The following SLC11A2 variants were observed in gnomAD, a reference collection of about 807,000 sequenced individuals.
The protein encoded by SLC11A2 is natural resistance-associated macrophage protein 2.
SLC11A2 carries 38 observed loss-of-function variants against 68.0 expected under a neutral mutation model. The ratio of observed to expected loss-of-function variants is 0.56; its 90% CI spans 0.43 to 0.73. The LOEUF is 0.73. Among genes scored for constraint, SLC11A2 ranks in the 30% least tolerant of loss-of-function variants. The pLI, the probability that SLC11A2 is intolerant of heterozygous loss-of-function variation, is 0.00. For missense variants in SLC11A2, 517 were observed against 690.5 expected (o/e 0.75, Z 2.82); for synonymous variants, 242 against 250.6 (o/e 0.97, Z 0.32).
At position 51,000,331 on chromosome 12, in the gene SLC11A2, T is replaced by C; in HGVS notation, c.518A>G (p.Asn173Ser). 3 of 1,612,712 alleles carry C rather than the reference T, an allele frequency of 1.9e-6. No individual in the cohort carries two copies. Among genetic ancestry groups the C allele is most frequent in the Non-Finnish European group, 1.7e-6 (2 of 1,178,714 alleles). Reference protein sequence around the residue: ...QEVIGSAIAINLLSVGRIPLW... With the variant: ...QEVIGSAIAISLLSVGRIPLW... Reference sequence around the variant, plus strand: ...CCCTCACCTTCCTACAGACAGAAGATTGATAGCAATGGCTGAGCCAATGAC... The same window carrying C: ...CCCTCACCTTCCTACAGACAGAAGACTGATAGCAATGGCTGAGCCAATGAC... Residue 173 changes from asparagine to serine, a missense_variant, in exon 6 of 16, where the codon AAT (asparagine) becomes AGT (serine). Coordinates refer to ENST00000262052, the MANE Select transcript of SLC11A2 (RefSeq NM_000617.3).
At position 51,026,322 on chromosome 12, in the gene SLC11A2, G is replaced by A. The variant is rs779664922; in HGVS notation, c.-51C>T. 18 of 1,271,340 alleles carry A rather than the reference G, an allele frequency of 1.4e-5. No individual in the cohort carries two copies. Among genetic ancestry groups the A allele is most frequent in the African/African-American group, 3.1e-5 (2 of 65,202 alleles). The allele number at this position is 1,271,340 out of a possible 1,614,324, so 78.8% of individuals were successfully genotyped here. A position where few individuals can be genotyped will look rare whatever the true frequency, so the allele number is the denominator to read the frequency against. On this transcript the variant is annotated 5_prime_UTR_variant, in exon 1 of 16. Coordinates refer to ENST00000262052, the MANE Select transcript of SLC11A2 (RefSeq NM_000617.3). The stretch of plus-strand genomic sequence containing the variant: ...GCCTTCCCCTCACCTTACCAGCTCC[G>A]CAACCACCTGACACGCCGCCCCCGC...
chr12:51,004,934 A>C (rs1942591519), intron 4 of SLC11A2, 27 bp from the exon 5 acceptor site: 1 of 1,612,930 alleles, frequency 6.2e-7, no homozygotes, highest in Admixed American at 1.7e-5. Context: ...CTCCTGTAAC[A>C]CTCATTGAAC....
the SLC11A2 span, among the ~76,000 whole-genome samples, chr12:50,958,517 G>A: frequency 2.4e-4 from 36 of 151,250 alleles, no homozygotes; most frequent in Non-Finnish European, 5.0e-4. Flanking sequence ...TCCTGACCTC[G>A]TGATCCGCCC....
At chr12:50,973,269 GC>G in the SLC11A2 span, among the ~76,000 whole-genome samples, 1 of 152,262 alleles carries the variant, frequency 6.6e-6, no homozygotes, top group African/African-American at 2.4e-5. Context: ...ACCTCACACG[GC>G]CGGGTATCCC....
At chr12:50,962,873 A>T in the SLC11A2 span, among the ~76,000 whole-genome samples, 1 of 152,148 alleles carries the variant, frequency 6.6e-6, no homozygotes, top group Non-Finnish European at 1.5e-5. Context: ...AGAGGAAAAA[A>T]CAAAGGCACA....
chr12:50,991,243 A>G (rs1941120236), intron 14 of SLC11A2, among the ~76,000 whole-genome samples: 1 of 152,196 alleles, frequency 6.6e-6, no homozygotes, highest in African/African-American at 2.4e-5. Context: ...CAAAAATGCA[A>G]CAAGTCACTT....
At chr12:50,972,900 C>G in the SLC11A2 span, among the ~76,000 whole-genome samples, 1 of 152,220 alleles carries the variant, frequency 6.6e-6, no homozygotes, top group Admixed American at 6.5e-5. Context: ...ATTGCTAGCA[C>G]AGCAGTCTGA....
chr12:50,986,577 T>G lies in SLC11A2; in HGVS notation c.*1748A>C, dbSNP rs1379241840. 1 of 1,286,970 alleles carries G rather than the reference T, an allele frequency of 7.8e-7. No homozygotes were observed. Among genetic ancestry groups the G allele is most frequent in the Admixed American group, 2.3e-5 (1 of 43,518 alleles). 79.7% of individuals were successfully genotyped at this position (1,286,970 alleles called of 1,614,324 possible). On this transcript the variant is annotated 3_prime_UTR_variant, in exon 16 of 16. Coordinates refer to ENST00000262052, the MANE Select transcript of SLC11A2 (RefSeq NM_000617.3). ...CCATATCATCTTTATAAAGAATTTTTTTTTTGTCGTCAGTTTGGCCTTTCC... is the reference window on the plus strand; with the variant it reads ...CCATATCATCTTTATAAAGAATTTTGTTTTTGTCGTCAGTTTGGCCTTTCC...
At chr12:50,983,524 G>A (rs73297963), downstream of SLC11A2, among the ~76,000 whole-genome samples, 1,073 of 152,240 alleles carry the variant, frequency 7.0e-3, 20 homozygotes, top group African/African-American at 0.024. Flanking sequence ...TGTAAAATGT[G>A]AATAAATGCT....
At chr12:50,961,922 G>T in the SLC11A2 span, among the ~76,000 whole-genome samples, 1 of 152,146 alleles carries the variant, frequency 6.6e-6, no homozygotes. Context: ...TTACTACAAA[G>T]TTACAGTCCT....
intron 1 of SLC11A2, 100 bp downstream of exon 1, chr12:51,026,210 G>A (rs1358773387): frequency 8.3e-7 from 1 of 1,202,500 alleles, no homozygotes; most frequent in East Asian, 7.1e-5. Flanking sequence ...TCGCATCCTA[G>A]CCCCGGAGCC....
At chr12:50,956,919 G>T in the SLC11A2 span, among the ~76,000 whole-genome samples, 1 of 151,714 alleles carries the variant, frequency 6.6e-6, no homozygotes, top group Non-Finnish European at 1.5e-5. Flanking sequence ...TTTCTAGAAG[G>T]ACTTGGCCAA....
At chr12:50,972,319 A>G in the SLC11A2 span, among the ~76,000 whole-genome samples, 1 of 152,384 alleles carries the variant, frequency 6.6e-6, no homozygotes, top group East Asian at 1.9e-4. Context: ...AAGCTAAAGT[A>G]ATATATTTGT....
At chr12:50,953,095 A>C in the SLC11A2 span, among the ~76,000 whole-genome samples, 1 of 152,102 alleles carries the variant, frequency 6.6e-6, no homozygotes, top group Non-Finnish European at 1.5e-5. Context: ...ATACCAGCCG[A>C]CCACTCCCCC....
At chr12:50,996,717 A>T in intron 9 of SLC11A2, 100 bp downstream of exon 9, 1 of 1,228,634 alleles carries the variant, frequency 8.1e-7, no homozygotes, top group Non-Finnish European at 1.2e-6. Context: ...TTGCTCCTTC[A>T]TGGTCCTAAT....
Position 50,986,176 on chromosome 12 carries a change from A to G in SLC11A2, c.*2149T>C. 7.8e-7 allele frequency: 1 copy of G among 1,285,318 alleles called. No individual in the cohort carries two copies. Among genetic ancestry groups the G allele is most frequent in the Non-Finnish European group, 1.0e-6 (1 of 987,094 alleles). The allele number at this position is 1,285,318 out of a possible 1,614,324, so 79.6% of individuals were successfully genotyped here. A position where few individuals can be genotyped will look rare whatever the true frequency, so the allele number is the denominator to read the frequency against. ...GCACAATTATTTCATGTCACATTTA[A>G]GAAGAACAAGAACCAATTTATATAA... On this transcript the variant is annotated 3_prime_UTR_variant, in exon 16 of 16. Coordinates refer to ENST00000262052, the MANE Select transcript of SLC11A2 (RefSeq NM_000617.3).
At chr12:51,022,635 G>A (rs1310422912) in intron 1 of SLC11A2, among the ~76,000 whole-genome samples, 1 of 152,000 alleles carries the variant, frequency 6.6e-6, no homozygotes, top group Non-Finnish European at 1.5e-5. Flanking sequence ...ACAACTTTAA[G>A]TAAATATTGT....
rs1465570746 is a variant in SLC11A2, at chr12:51,002,041, T to G, written c.430-1622A>C. 2.6e-5 allele frequency among the ~76,000 whole-genome samples: 4 copies of G among 152,120 alleles called. No individual in the cohort carries two copies. The East Asian group carries it at 5.8e-4, about 22-fold the overall frequency. On this transcript the variant is annotated intron_variant, in intron 5 of 15. Transcript: ENST00000262052. ...GAAGCCAGAAAAAAACACCTCCAGA[T>G]AGCTAGCATCCAAAAAATTTGTCAG...
At chr12:50,973,058 T>C in the SLC11A2 span, among the ~76,000 whole-genome samples, 1 of 152,140 alleles carries the variant, frequency 6.6e-6, no homozygotes, top group Admixed American at 6.5e-5. Flanking sequence ...AGACTCCACC[T>C]CTGGGGGCAG....
Sources: gnomAD v4.1 joint callset for allele counts (sites outside exome capture counted in the v4.1 genomes callset) on GRCh38, gnomAD v4.1.1 for gene constraint, MANE v1.5 for transcripts, NCBI Gene and HGNC (gene_info 2026-07-23, HGNC 2026-07-21) for gene names.